The following SNTG2 variants were observed in gnomAD, a reference collection of about 807,000 sequenced individuals.
The protein encoded by SNTG2 is syntrophin gamma 2, also known as gamma-2-syntrophin.
A neutral mutation model predicts 70.9 loss-of-function variants in SNTG2; 74 were observed. The observed-to-expected ratio is 1.04, with a 90% CI of 0.86 to 1.27. The LOEUF (loss-of-function observed/expected upper bound fraction) is 1.27. Ranked by LOEUF, SNTG2 falls within the 50% of genes most tolerant of loss-of-function variation. SNTG2 has a pLI of 0.00. For missense variants in SNTG2, 717 were observed against 690.7 expected (o/e 1.04, Z -0.43); for synonymous variants, 278 against 273.8 (o/e 1.02, Z -0.15).
chr2:1,265,449 C>T (rs1390295601), intron 13 of SNTG2, among the ~76,000 whole-genome samples: 1 of 152,174 alleles, frequency 6.6e-6, no homozygotes, highest in Non-Finnish European at 1.5e-5. Flanking sequence ...CTCACGTGCA[C>T]ACACCACAAG....
chr2:1,161,958 C>T (rs1336937217), intron 6 of SNTG2, among the ~76,000 whole-genome samples: 2 of 151,670 alleles, frequency 1.3e-5, no homozygotes, highest in Admixed American at 1.3e-4. Context: ...CCTGTAGTCC[C>T]AGCTACTTGG....
intron 1 of SNTG2, among the ~76,000 whole-genome samples, chr2:1,070,064 C>T (rs1247819539): frequency 1.3e-5 from 2 of 152,078 alleles, no homozygotes; most frequent in Admixed American, 6.5e-5. Context: ...CAAAGCCAGT[C>T]ACCACCTTGG....
intron 1 of SNTG2, among the ~76,000 whole-genome samples, chr2:973,526 A>G (rs1401080088): frequency 7.3e-6 from 1 of 137,400 alleles, no homozygotes; most frequent in African/African-American, 2.9e-5. Context: ...GTGTATATAC[A>G]TGTATATATA....
At chr2:1,235,887 G>T (rs1318369449) in intron 9 of SNTG2, among the ~76,000 whole-genome samples, 2 of 152,220 alleles carry the variant, frequency 1.3e-5, no homozygotes, top group Non-Finnish European at 2.9e-5. Context: ...TCTGAGAGTT[G>T]GTTGGCCAAG....
chr2:1,268,851 G>A (rs1236107739), intron 14 of SNTG2, among the ~76,000 whole-genome samples: 1 of 152,120 alleles, frequency 6.6e-6, no homozygotes, highest in Non-Finnish European at 1.5e-5. Context: ...TAATCATTTT[G>A]CTTTCAACAT....
At chr2:971,107 C>CT (rs1420071692) in intron 1 of SNTG2, among the ~76,000 whole-genome samples, 1 of 152,090 alleles carries the variant, frequency 6.6e-6, no homozygotes, top group Non-Finnish European at 1.5e-5. Flanking sequence ...CTGAAGTTTC[C>CT]TTTTTTTGGT....
chr2:1,116,599 C>T (rs1200825738), intron 4 of SNTG2, among the ~76,000 whole-genome samples: 13 of 54,660 alleles, frequency 2.4e-4, no homozygotes, highest in East Asian at 5.8e-4. Flanking sequence ...CCCCGGTGTT[C>T]GGGTGCCCTG....
At chr2:1,338,032 C>T (rs949701255) in intron 16 of SNTG2, among the ~76,000 whole-genome samples, 1 of 152,194 alleles carries the variant, frequency 6.6e-6, no homozygotes, top group South Asian at 2.1e-4. Flanking sequence ...CCAGGTTTTA[C>T]TTCTGTGCTC....
chr2:1,304,760 G>A (rs1037687420), intron 14 of SNTG2, among the ~76,000 whole-genome samples: 1 of 151,252 alleles, frequency 6.6e-6, no homozygotes. Context: ...TTTATTTCTG[G>A]TATTCTTAGG....
At position 1,031,017 on chromosome 2, in the gene SNTG2, C is replaced by T. The variant is rs544472891; in HGVS notation, c.73-52501C>T. Among the ~76,000 whole-genome samples the T allele has an allele frequency of 3.3e-5, 5 of 152,202 alleles. No individual in the cohort carries two copies. The South Asian group carries it at 1.0e-3, about 32-fold the overall frequency. The stretch of plus-strand genomic sequence containing the variant: ...TAGACAGGTTCTTAAGTAAAAACAC[C>T]AATAAATACTTCTGTTCCAGTCTTG... On this transcript the variant is annotated intron_variant, in intron 1 of 16. Transcript: ENST00000308624.
intron 16 of SNTG2, among the ~76,000 whole-genome samples, chr2:1,365,798 G>A (rs547860951): frequency 2.0e-5 from 3 of 152,302 alleles, no homozygotes; most frequent in South Asian, 4.2e-4. Context: ...GGGAGAGGCC[G>A]AGGGGACTTC....
chr2:1,339,272 A>G (rs1231571025), intron 16 of SNTG2, among the ~76,000 whole-genome samples: 1 of 152,168 alleles, frequency 6.6e-6, no homozygotes, highest in Non-Finnish European at 1.5e-5. Flanking sequence ...AAATCCTTCT[A>G]AGATATATGA....
chr2:1,349,628 T>A (rs945636509), intron 16 of SNTG2, among the ~76,000 whole-genome samples: 6 of 152,230 alleles, frequency 3.9e-5, no homozygotes, highest in Non-Finnish European at 8.8e-5. Flanking sequence ...CTTGTGAGGT[T>A]AGAAGCAAGG....
chr2:1,064,399 A>G (rs548085611), intron 1 of SNTG2, among the ~76,000 whole-genome samples: 1 of 151,668 alleles, frequency 6.6e-6, no homozygotes, highest in East Asian at 1.9e-4. Context: ...TATGTAATTT[A>G]TGTATGTTTT....
At chr2:1,069,683 C>CTGG (rs1663396617) in intron 1 of SNTG2, among the ~76,000 whole-genome samples, 1 of 152,014 alleles carries the variant, frequency 6.6e-6, no homozygotes, top group South Asian at 2.1e-4. Flanking sequence ...TCCAGCTACT[C>CTGG]TGGAGGCTGA....
chr2:1,138,661 A>C (rs1484315717), intron 6 of SNTG2, among the ~76,000 whole-genome samples: 1 of 152,166 alleles, frequency 6.6e-6, no homozygotes, highest in Non-Finnish European at 1.5e-5. Flanking sequence ...AGTCCAGGAC[A>C]CACGCCTGGG....
intron 6 of SNTG2, among the ~76,000 whole-genome samples, chr2:1,144,765 C>T (rs1442341168): frequency 6.6e-6 from 1 of 152,148 alleles, no homozygotes; most frequent in Non-Finnish European, 1.5e-5. Flanking sequence ...CACCATGATT[C>T]AATTACCTCC....
chr2:1,285,714 G>A (rs1679736713), intron 14 of SNTG2, among the ~76,000 whole-genome samples: 1 of 152,206 alleles, frequency 6.6e-6, no homozygotes, highest in South Asian at 2.1e-4. Flanking sequence ...GTCATAGCTG[G>A]TATTAATGAC....
At chr2:1,112,352 G>C (rs976137705) in intron 4 of SNTG2, among the ~76,000 whole-genome samples, 1 of 151,656 alleles carries the variant, frequency 6.6e-6, no homozygotes, top group Non-Finnish European at 1.5e-5. Context: ...CCTTTGAGAA[G>C]AATCGTGTGT....
Sources: allele counts gnomAD v4.1 joint callset (sites outside exome capture counted in the v4.1 genomes callset), GRCh38; gene constraint gnomAD v4.1.1; transcripts MANE v1.5; gene names NCBI Gene and HGNC (gene_info 2026-07-23, HGNC 2026-07-21).